The following FRMD6 variants were observed in gnomAD, a reference collection of about 807,000 sequenced individuals.
The protein encoded by FRMD6 is FERM domain containing 6, also known as FERM domain-containing protein 6.
FRMD6 carries 37 observed loss-of-function variants against 73.2 expected under a neutral mutation model. The observed-to-expected ratio is 0.51, with a 90% CI of 0.39 to 0.66. The LOEUF is 0.66. Among genes scored for constraint, FRMD6 ranks in the 30% least tolerant of loss-of-function variants. The probability of loss-of-function intolerance (pLI) is 0.00; values close to 1 mark genes in which losing one functional copy is unlikely to be tolerated. For missense variants in FRMD6, 714 were observed against 780.5 expected, an observed-to-expected ratio of 0.91 and a Z score of 1.02; for synonymous variants, 273 against 282.2, an observed-to-expected ratio of 0.97 and a Z score of 0.33.
chr14:51,637,465 GCACACACACACACA>G (rs113564495), intron 2 of FRMD6: 3 of 132,566 alleles, frequency 2.3e-5, no homozygotes, highest in Admixed American at 7.7e-5. Context: ...ATACACACAG[GCACACACACACACA>G]CACACACACA....
intron 1 of FRMD6, among the ~76,000 whole-genome samples, chr14:51,523,691 C>T (rs1439514395): frequency 2.0e-5 from 3 of 152,152 alleles, no homozygotes; most frequent in African/African-American, 7.2e-5. Flanking sequence ...TGGAACTCCC[C>T]TAACACATGA....
At chr14:51,579,543 G>C (rs948351839) in intron 2 of FRMD6, among the ~76,000 whole-genome samples, 58 of 152,270 alleles carry the variant, frequency 3.8e-4, no homozygotes, top group Non-Finnish European at 5.9e-5. Flanking sequence ...TTAGATGATA[G>C]CTCCATGAAG....
rs1891598081 is a variant in FRMD6, at chr14:51,637,034, G to A, written c.-146-52657G>A. On this transcript the variant is annotated intron_variant, in intron 2 of 14. Coordinates refer to the FRMD6 transcript ENST00000356218. ...AGCCCAGGAGTTTGAGACCAGTCTGGGCAACACAGGGAGACCCTGTCTCTA... is the reference window on the plus strand; with the variant it reads ...AGCCCAGGAGTTTGAGACCAGTCTGAGCAACACAGGGAGACCCTGTCTCTA... Among the ~76,000 whole-genome samples, 3 of 152,168 alleles carry A rather than the reference G, an allele frequency of 2.0e-5. No individual in the cohort carries two copies. In the South Asian group the frequency reaches 6.2e-4, roughly 32 times the overall value.
chr14:51,615,141 C>T lies in FRMD6; in HGVS notation c.-147+44731C>T, dbSNP rs143981670. ...TTTTAGCAGCTGCTGCCACTAAAAG[C>T]TCAGTATAGTAGTCCAGCCTGTTCT... On this transcript the variant is annotated intron_variant, in intron 2 of 14. Transcript: ENST00000356218. Among the ~76,000 whole-genome samples the T allele has an allele frequency of 2.2e-3, 330 of 152,246 alleles. 1 individual carries two copies. Among genetic ancestry groups the T allele is most frequent in the Middle Eastern group, 0.01 (3 of 294 alleles).
chr14:51,702,429 A>G (rs751320659), intron 4 of FRMD6, 83 bp from the exon 5 acceptor site: 1 of 1,077,148 alleles, frequency 9.3e-7, no homozygotes. Flanking sequence ...TATCTTGCAA[A>G]TAATTGTATT....
chr14:51,516,121 G>A (rs1181938291), intron 1 of FRMD6, among the ~76,000 whole-genome samples: 1 of 152,126 alleles, frequency 6.6e-6, no homozygotes, highest in African/African-American at 2.4e-5. Flanking sequence ...GAAGCTGGAA[G>A]TTTCTCCTCC....
At chr14:51,695,043 G>A (rs1895853031) in intron 2 of FRMD6, among the ~76,000 whole-genome samples, 1 of 151,702 alleles carries the variant, frequency 6.6e-6, no homozygotes, top group African/African-American at 2.4e-5. Flanking sequence ...GCTGCATGGA[G>A]GAAATATATA....
intron 1 of FRMD6, among the ~76,000 whole-genome samples, chr14:51,535,088 C>T (rs1001051828): frequency 5.3e-5 from 8 of 152,142 alleles, no homozygotes; most frequent in African/African-American, 1.9e-4. Flanking sequence ...GCTACAAGGA[C>T]ATTTTGAGCC....
At chr14:51,510,899 G>C (rs1884258616) in intron 1 of FRMD6, among the ~76,000 whole-genome samples, 1 of 152,044 alleles carries the variant, frequency 6.6e-6, no homozygotes, top group Non-Finnish European at 1.5e-5. Context: ...AACCTTTTGG[G>C]ATGCATGCCC....
At chr14:51,678,892 A>G (rs1360732371) in intron 1 of FRMD6, among the ~76,000 whole-genome samples, 2 of 152,176 alleles carry the variant, frequency 1.3e-5, no homozygotes, top group Non-Finnish European at 2.9e-5. Flanking sequence ...CAGAGGGAAC[A>G]GCATGGTCAA....
At chr14:51,636,156 GC>G (rs1440381241) in intron 2 of FRMD6, among the ~76,000 whole-genome samples, 1 of 152,140 alleles carries the variant, frequency 6.6e-6, no homozygotes, top group Admixed American at 6.5e-5. Context: ...GTGGATCCCC[GC>G]CCCATTACTC....
At chr14:51,685,587 T>C (rs1895095486) in intron 1 of FRMD6, among the ~76,000 whole-genome samples, 1 of 152,242 alleles carries the variant, frequency 6.6e-6, no homozygotes, top group Non-Finnish European at 1.5e-5. Context: ...ATACTATACA[T>C]TAAAGATGAT....
intron 11 of FRMD6, 24 bp downstream of exon 11, chr14:51,720,414 G>A (rs1417544091): frequency 1.5e-5 from 24 of 1,606,508 alleles, no homozygotes; most frequent in Non-Finnish European, 2.0e-5. Context: ...CCCCTCACTG[G>A]CTCTCTGTTT....
chr14:51,405,242 C>T, the FRMD6 span, among the ~76,000 whole-genome samples: 3 of 152,130 alleles, frequency 2.0e-5, no homozygotes, highest in South Asian at 2.1e-4. Context: ...AACACTTGTG[C>T]GCATGTGTCT....
At chr14:51,399,346 G>A in the FRMD6 span, among the ~76,000 whole-genome samples, 3 of 152,026 alleles carry the variant, frequency 2.0e-5, no homozygotes, top group Non-Finnish European at 2.9e-5. Flanking sequence ...AAATATTAAG[G>A]GCTCAATAAA....
At chr14:51,516,607 C>A (rs1405978122) in intron 1 of FRMD6, among the ~76,000 whole-genome samples, 1 of 152,146 alleles carries the variant, frequency 6.6e-6, no homozygotes, top group East Asian at 1.9e-4. Context: ...AGAGCCCTGT[C>A]ATCTTGAGTA....
the FRMD6 span, among the ~76,000 whole-genome samples, chr14:51,411,936 AT>A: frequency 6.6e-6 from 1 of 152,212 alleles, no homozygotes; most frequent in East Asian, 1.9e-4. Flanking sequence ...AAGGTATAAC[AT>A]TTTAAATTAA....
chr14:51,623,823 C>T (rs1891021514), intron 2 of FRMD6, among the ~76,000 whole-genome samples: 1 of 152,158 alleles, frequency 6.6e-6, no homozygotes, highest in South Asian at 2.1e-4. Flanking sequence ...ACATTCAATA[C>T]ATGTTGAATA....
intron 1 of FRMD6, among the ~76,000 whole-genome samples, chr14:51,526,135 G>C (rs781707194): frequency 6.6e-6 from 1 of 152,152 alleles, no homozygotes; most frequent in Non-Finnish European, 1.5e-5. Flanking sequence ...GCTCTTGATA[G>C]GGACTATGCT....
Sources: allele counts gnomAD v4.1 joint callset (sites outside exome capture counted in the v4.1 genomes callset), GRCh38; gene constraint gnomAD v4.1.1; transcripts MANE v1.5; gene names NCBI Gene and HGNC (gene_info 2026-07-23, HGNC 2026-07-21).